Variants in SLC10A7 observed in about 807,000 individuals in gnomAD.
SLC10A7 encodes the protein solute carrier family 10 member 7.
In SLC10A7, 29 loss-of-function variants were observed where a neutral mutation model predicts 43.2. The ratio of observed to expected loss-of-function variants is 0.67; its 90% CI spans 0.50 to 0.92. SLC10A7 has a LOEUF of 0.92. SLC10A7 is among the 40% of genes least tolerant of loss of function. The probability of loss-of-function intolerance (pLI) is 0.00; values close to 1 mark genes in which losing one functional copy is unlikely to be tolerated. For missense variants in SLC10A7, 295 were observed against 403.2 expected, an observed-to-expected ratio of 0.73 and a Z score of 2.30; for synonymous variants, 152 against 144.8, an observed-to-expected ratio of 1.05 and a Z score of -0.35.
At chr4:146,406,583 T>C (rs531235954) in intron 5 of SLC10A7, among the ~76,000 whole-genome samples, 15 of 152,316 alleles carry the variant, frequency 9.8e-5, no homozygotes, top group African/African-American at 3.1e-4. Flanking sequence ...TTTAATTATA[T>C]TGGAGACCTA....
At chr4:146,419,940 T>G (rs1427052174) in intron 5 of SLC10A7, among the ~76,000 whole-genome samples, 3 of 152,226 alleles carry the variant, frequency 2.0e-5, no homozygotes, top group Non-Finnish European at 4.4e-5. Context: ...AAATTATTTT[T>G]AATAAGACAA....
At chr4:146,388,736 T>C (rs1738188482) in intron 5 of SLC10A7, among the ~76,000 whole-genome samples, 1 of 148,910 alleles carries the variant, frequency 6.7e-6, no homozygotes, top group South Asian at 2.2e-4. Context: ...TCCAGCCTGG[T>C]TGACAGTGTG....
intron 9 of SLC10A7, among the ~76,000 whole-genome samples, chr4:146,289,540 AT>A (rs886765078): frequency 4.6e-5 from 7 of 150,686 alleles, no homozygotes; most frequent in Non-Finnish European, 5.9e-5. Context: ...TGTGTTGCTT[AT>A]TTTTTTTTAA....
chr4:146,516,875 T>C (rs560131998), intron 2 of SLC10A7, among the ~76,000 whole-genome samples, 163 bp downstream of exon 2: 38 of 152,324 alleles, frequency 2.5e-4, no homozygotes, highest in Admixed American at 2.2e-3. Context: ...AATACACATA[T>C]GTAGGAATGA....
Position 146,283,246 on chromosome 4 carries a change from G to T in SLC10A7, c.793C>A (p.Pro265Thr), listed in dbSNP as rs1248806683. 2.9e-5 allele frequency: 46 copies of T among 1,613,244 alleles called. No homozygotes were observed. In the Admixed American group the frequency reaches 7.3e-4, roughly 26 times the overall value. Residue 265 changes from proline to threonine, a missense_variant, in exon 10 of 12, where the codon CCA becomes ACA. Coordinates refer to ENST00000335472, the MANE Select transcript of SLC10A7 (RefSeq NM_001029998.6). ...AAAATGATAGCCACTGTGTCTGCTG[G>T]TGTGAAACCCGAATTATTCCTAGGG... ...FSTRNNSGFT[P>T]ADTVAIIFCS... is the part of the protein sequence containing the mutation.
intron 5 of SLC10A7, among the ~76,000 whole-genome samples, chr4:146,408,194 C>G (rs74769258): frequency 0.016 from 2,462 of 152,194 alleles, 64 homozygotes; most frequent in African/African-American, 0.055. Context: ...AACAAAAATA[C>G]AATGCCTAAA....
intron 5 of SLC10A7, among the ~76,000 whole-genome samples, chr4:146,396,405 T>G (rs2679133): frequency 0.82 from 124,292 of 152,022 alleles, 51,530 homozygotes; most frequent in African/African-American, 0.94. Flanking sequence ...AAATTATTTT[T>G]TACATTATGG....
At chr4:146,322,297 T>G (rs959362002) in intron 6 of SLC10A7, among the ~76,000 whole-genome samples, 1 of 152,044 alleles carries the variant, frequency 6.6e-6, no homozygotes, top group Admixed American at 6.6e-5. Context: ...TGTATACATG[T>G]GCCATGTTGG....
At chr4:146,322,390 C>T (rs1410665720) in intron 6 of SLC10A7, among the ~76,000 whole-genome samples, 3 of 135,762 alleles carry the variant, frequency 2.2e-5, no homozygotes, top group African/African-American at 8.3e-5. Context: ...CCATAACAGG[C>T]CCCAGTGTGT....
intron 5 of SLC10A7, among the ~76,000 whole-genome samples, chr4:146,388,756 C>CAA (rs1463506912): frequency 1.1e-4 from 10 of 92,286 alleles, no homozygotes; most frequent in African/African-American, 4.0e-4. Context: ...GAGACTCTGT[C>CAA]AAAAAACAAC....
At chr4:146,347,563 T>C (rs1225373661) in intron 5 of SLC10A7, among the ~76,000 whole-genome samples, 1 of 152,200 alleles carries the variant, frequency 6.6e-6, no homozygotes, top group East Asian at 1.9e-4. Flanking sequence ...AAATCTTCTA[T>C]GGCTGGCAAA....
chr4:146,408,228 A>G (rs894529221), intron 5 of SLC10A7, among the ~76,000 whole-genome samples: 1 of 152,146 alleles, frequency 6.6e-6, no homozygotes, highest in African/African-American at 2.4e-5. Flanking sequence ...TCTCACTACC[A>G]TGAAGTAACA....
At chr4:146,486,762 TA>T (rs1734953684) in intron 4 of SLC10A7, among the ~76,000 whole-genome samples, 2 of 152,362 alleles carry the variant, frequency 1.3e-5, no homozygotes, top group East Asian at 3.9e-4. Flanking sequence ...GAATAGGAGT[TA>T]CTGAGATGAA....
chr4:146,298,265 A>G (rs1730918319), intron 7 of SLC10A7, among the ~76,000 whole-genome samples: 2 of 152,218 alleles, frequency 1.3e-5, no homozygotes, highest in South Asian at 4.1e-4. Flanking sequence ...TCTTATGTCC[A>G]AGTCTCAGTT....
intron 4 of SLC10A7, among the ~76,000 whole-genome samples, chr4:146,452,671 G>A (rs1166388292): frequency 6.6e-6 from 1 of 151,938 alleles, no homozygotes; most frequent in African/African-American, 2.4e-5. Flanking sequence ...ACATTTCTAT[G>A]TCATATTTAA....
intron 5 of SLC10A7, among the ~76,000 whole-genome samples, chr4:146,353,645 A>G (rs1205552629): frequency 1.4e-5 from 1 of 71,824 alleles, no homozygotes; most frequent in Non-Finnish European, 2.7e-5. Context: ...TCAATAAAAT[A>G]CTGGCAAACT....
At chr4:146,475,929 T>A (rs557407320) in intron 4 of SLC10A7, among the ~76,000 whole-genome samples, 42 of 152,322 alleles carry the variant, frequency 2.8e-4, no homozygotes, top group Non-Finnish European at 4.3e-4. Flanking sequence ...GATGACTACC[T>A]CAACACCCAT....
chr4:146,456,612 C>T (rs1732079440), intron 4 of SLC10A7, among the ~76,000 whole-genome samples: 1 of 151,936 alleles, frequency 6.6e-6, no homozygotes, highest in Non-Finnish European at 1.5e-5. Flanking sequence ...AAGGGATACA[C>T]ATTAGGCAAG....
At chr4:146,347,965 A>T (rs1464706016) in intron 5 of SLC10A7, among the ~76,000 whole-genome samples, 1 of 152,226 alleles carries the variant, frequency 6.6e-6, no homozygotes, top group African/African-American at 2.4e-5. Context: ...AAAGCACTTG[A>T]AACCAGAAAT....
Sources: allele counts gnomAD v4.1 joint callset (sites outside exome capture counted in the v4.1 genomes callset), GRCh38; gene constraint gnomAD v4.1.1; transcripts MANE v1.5; gene names NCBI Gene and HGNC (gene_info 2026-07-23, HGNC 2026-07-21).